RAF1: variants seen among roughly 807,000 people sequenced by gnomAD.
RAF1 encodes Raf-1 proto-oncogene, serine/threonine kinase.
RAF1 carries 27 observed loss-of-function variants against 81.1 expected under a neutral mutation model. The ratio of observed to expected loss-of-function variants is 0.33; its 90% confidence interval spans 0.25 to 0.46. The LOEUF (loss-of-function observed/expected upper bound fraction) is 0.46, where lower values mean the gene tolerates loss of function less well. Ranked by LOEUF, RAF1 falls within the 20% of genes least tolerant of loss-of-function variation. The probability of loss-of-function intolerance (pLI) is 1.00; values close to 1 mark genes in which losing one functional copy is unlikely to be tolerated. For missense variants in RAF1, 598 were observed against 826.0 expected, an observed-to-expected ratio of 0.72 and a Z score of 3.38; for synonymous variants, 298 against 294.0, an observed-to-expected ratio of 1.01 and a Z score of -0.14.
intron 1 of RAF1, among the ~76,000 whole-genome samples, chr3:12,649,169 C>T (rs1184650074): frequency 6.6e-6 from 1 of 152,010 alleles, no homozygotes; most frequent in African/African-American, 2.4e-5. Flanking sequence ...TTTAGTGGTG[C>T]GCTCAATAGT....
rs867463443 is a variant in RAF1 at position 12,649,641 on chromosome 3, C to A, written c.-27+14172G>T. 2.0e-4 allele frequency among the ~76,000 whole-genome samples: 31 copies of A among 152,016 alleles called. No individual in the cohort carries two copies. The Middle Eastern group carries it at 0.01, about 50-fold the overall frequency. On this transcript the variant is annotated intron_variant, in intron 1 of 17. Transcript: ENST00000442415. ...CACACAGTTTTCACTGTTAGTTACA[C>A]CATTAATTCATTAAAGCTCTAAATT...
intron 2 of RAF1, among the ~76,000 whole-genome samples, chr3:12,617,457 T>G (rs2059404455): frequency 6.6e-6 from 1 of 152,066 alleles, no homozygotes; most frequent in African/African-American, 2.4e-5. Flanking sequence ...GTTTGCCACG[T>G]TGCCCGACTG....
intron 12 of RAF1, among the ~76,000 whole-genome samples, chr3:12,591,177 G>A (rs932387760): frequency 1.3e-5 from 2 of 152,026 alleles, no homozygotes; most frequent in Non-Finnish European, 2.9e-5. Flanking sequence ...TAGTTCACTG[G>A]GCCATCAGTT....
rs2059226007 is a variant in RAF1, at chr3:12,612,023, T to A, written c.247A>T (p.Met83Leu). 6.2e-7 allele frequency: 1 copy of A among 1,614,022 alleles called. No homozygotes were observed. Among genetic ancestry groups the A allele is most frequent in the African/African-American group, 1.3e-5 (1 of 74,922 alleles). The stretch of plus-strand genomic sequence containing the variant: ...AGGCCCCTCACCTTGAGTGCTTTCA[T>A]AAGGCAGTCATGCAAGCTCATTCCA... Residue 83 changes from methionine (M) to leucine (L), a missense_variant, in exon 3 of 18, where the codon ATG (methionine) becomes TTG (leucine). Around this residue, in one of 5 missense-constraint regions of RAF1, gnomAD observed 89 missense variants for 169.2 expected, o/e 0.53. Transcript: ENST00000442415.
intron 1 of RAF1, among the ~76,000 whole-genome samples, chr3:12,658,258 G>C (rs764209717): frequency 5.9e-5 from 9 of 152,146 alleles, no homozygotes; most frequent in African/African-American, 7.2e-5. Flanking sequence ...GGCACAGTGA[G>C]AGATTAATTA....
intron 1 of RAF1, among the ~76,000 whole-genome samples, chr3:12,642,453 A>C (rs9799212): frequency 0.16 from 23,688 of 151,350 alleles, 2,034 homozygotes; most frequent in Admixed American, 0.22. Flanking sequence ...CAGAGCTTGC[A>C]GTGAGCTGAG....
At chr3:12,601,136 C>T (rs1452781145) in intron 8 of RAF1, among the ~76,000 whole-genome samples, 2 of 152,198 alleles carry the variant, frequency 1.3e-5, no homozygotes, top group Non-Finnish European at 2.9e-5. Flanking sequence ...AGCCTATATA[C>T]TTTATCCAAG....
intron 1 of RAF1, 115 bp downstream of exon 1, chr3:12,663,698 C>A (rs1181067415): frequency 5.1e-6 from 2 of 390,202 alleles, no homozygotes; most frequent in African/African-American, 2.1e-5. Flanking sequence ...GCCCTCTGCC[C>A]GGCAGCCGCG....
At chr3:12,652,937 T>C (rs1237095141) in intron 1 of RAF1, among the ~76,000 whole-genome samples, 1 of 104,514 alleles carries the variant, frequency 9.6e-6, no homozygotes. Flanking sequence ...TGAGACTCCA[T>C]CTCAAAAAAA....
rs876661384 is a variant in RAF1 at position 12,612,033 on chromosome 3, A to G, written c.237T>C (p.His79=). The change falls in exon 3 of 18, where the codon CAT becomes CAC. Residue 79 remains histidine, a synonymous_variant. Transcript: ENST00000442415. The stretch of plus-strand genomic sequence containing the variant: ...CCTTGAGTGCTTTCATAAGGCAGTC[A>G]TGCAAGCTCATTCCATTTCGCACAT... 1 of 1,614,206 alleles carries G rather than the reference A, an allele frequency of 6.2e-7. No individual in the cohort carries two copies. The highest frequency in any genetic ancestry group is 8.5e-7 in the Non-Finnish European group (1 of 1,180,044).
At chr3:12,659,069 C>A (rs923785294) in intron 1 of RAF1, among the ~76,000 whole-genome samples, 12 of 151,884 alleles carry the variant, frequency 7.9e-5, no homozygotes, top group Non-Finnish European at 1.6e-4. Flanking sequence ...AAGATCAAAC[C>A]TTAATGTGTA....
intron 8 of RAF1, among the ~76,000 whole-genome samples, chr3:12,602,047 A>T (rs1042678105): frequency 6.6e-6 from 1 of 152,246 alleles, no homozygotes; most frequent in Non-Finnish European, 1.5e-5. Context: ...ATTTATTTTT[A>T]TTAACCACAA....
chr3:12,627,210 A>G (rs2059730842), intron 1 of RAF1, among the ~76,000 whole-genome samples: 1 of 152,128 alleles, frequency 6.6e-6, no homozygotes, highest in Admixed American at 6.6e-5. Flanking sequence ...ATAATTTATC[A>G]TGATATCTAA....
chr3:12,650,382 T>A (rs907105316), intron 1 of RAF1, among the ~76,000 whole-genome samples: 4 of 152,148 alleles, frequency 2.6e-5, no homozygotes, highest in Non-Finnish European at 5.9e-5. Context: ...CTACATGTAT[T>A]TCCTATAATC....
chr3:12,621,461 T>TA (rs1387416749), intron 1 of RAF1, among the ~76,000 whole-genome samples: 2 of 152,338 alleles, frequency 1.3e-5, no homozygotes, highest in East Asian at 1.9e-4. Flanking sequence ...TTAGTATTCT[T>TA]AGATGACAGC....
chr3:12,585,381 T>C lies in RAF1; in HGVS notation c.1597-128A>G. The C allele has an allele frequency of 1.9e-6, 3 of 1,545,598 alleles. 1 individual carries two copies. In the South Asian group the frequency reaches 3.5e-5, roughly 18 times the overall value. On this transcript the variant is annotated intron_variant, in intron 15 of 17. Transcript: ENST00000442415. ...CATTCTTCAGTCCCCACATAGCTTT[T>C]CCCCCAAAGGACTCCAACTCAGGCA... is the stretch of plus-strand genomic sequence containing the variant.
chr3:12,623,626 C>T (rs980977553), intron 1 of RAF1, among the ~76,000 whole-genome samples: 1 of 151,838 alleles, frequency 6.6e-6, no homozygotes, highest in African/African-American at 2.4e-5. Flanking sequence ...TGAAACCCCT[C>T]TACTAAAAAT....
In RAF1 at chr3:12,661,493, G is replaced by A. The variant is rs542859997; in HGVS notation, c.-27+2320C>T. Among the ~76,000 whole-genome samples the A allele has an allele frequency of 6.6e-5, 10 of 151,918 alleles. No homozygotes were observed. The South Asian group carries it at 1.2e-3, about 19-fold the overall frequency. On this transcript the variant is annotated intron_variant, in intron 1 of 17. Transcript: ENST00000442415. The stretch of plus-strand genomic sequence containing the variant: ...AGGCCGAGGTGGGCAGATCTCTTGC[G>A]GTCAGGAGTTCGAGACCAGCCTGGC...
chr3:12,641,034 T>TA (rs1170785597), intron 1 of RAF1, among the ~76,000 whole-genome samples: 4 of 151,900 alleles, frequency 2.6e-5, no homozygotes, highest in African/African-American at 7.3e-5. Context: ...TATGCAGCCA[T>TA]AAAAAAGGAT....
Sources: gnomAD v4.1 joint callset for allele counts (sites outside exome capture counted in the v4.1 genomes callset) on GRCh38, gnomAD v4.1.1 for gene constraint, gnomAD v4.1.1 regional missense constraint, MANE v1.5 for transcripts, NCBI Gene and HGNC (gene_info 2026-07-23, HGNC 2026-07-21) for gene names.